REV1: variants seen among roughly 807,000 people sequenced by gnomAD.
REV1 encodes REV1 DNA directed polymerase.
A neutral mutation model predicts 137.4 loss-of-function variants in REV1; 42 were observed. That is an observed-to-expected ratio of 0.31 (90% confidence interval 0.24 to 0.40). The LOEUF (loss-of-function observed/expected upper bound fraction) is 0.40. Ranked by LOEUF, REV1 falls within the 10% of genes least tolerant of loss-of-function variation. The pLI is 1.00. For missense variants in REV1, 1,282 were observed against 1,490.1 expected, an observed-to-expected ratio of 0.86 and a Z score of 2.30; for synonymous variants, 524 against 519.2, an observed-to-expected ratio of 1.01 and a Z score of -0.12.
chr2:99,471,116 C>T (rs1685360403), intron 1 of REV1, among the ~76,000 whole-genome samples: 1 of 145,712 alleles, frequency 6.9e-6, no homozygotes, highest in Non-Finnish European at 1.5e-5. Context: ...CCTGTGGCCA[C>T]CCCTTATCTA....
chr2:99,466,003 G>A (rs902665600), intron 1 of REV1, among the ~76,000 whole-genome samples: 9 of 151,396 alleles, frequency 5.9e-5, no homozygotes, highest in African/African-American at 1.5e-4. Context: ...GTGCAGTGGC[G>A]CAATCTCGGC....
intron 12 of REV1, 46 bp from the exon 13 acceptor site, chr2:99,412,997 A>G (rs1390325484): frequency 7.3e-7 from 1 of 1,363,214 alleles, no homozygotes; most frequent in Admixed American, 1.7e-5. Context: ...GCTACTAATA[A>G]CAAGTTTATT....
intron 12 of REV1, among the ~76,000 whole-genome samples, chr2:99,416,861 C>T (rs1358019895): frequency 3.7e-5 from 5 of 136,028 alleles, no homozygotes; most frequent in South Asian, 2.4e-4. Flanking sequence ...TGCAGTGAGC[C>T]GAGATCGCAC....
At position 99,480,859 on chromosome 2, in the gene REV1, T is replaced by A. The variant is rs572265975; in HGVS notation, c.-11+8958A>T. Reference sequence around the variant, plus strand: ...GAATATATTTAAAATTATATACTTTTAAAAAAACAAAAACATTACAACATG... The same window carrying A: ...GAATATATTTAAAATTATATACTTTAAAAAAAACAAAAACATTACAACATG... On this transcript the variant is annotated intron_variant, in intron 1 of 22. Coordinates refer to ENST00000258428, the MANE Select transcript of REV1 (RefSeq NM_016316.4). Among the ~76,000 whole-genome samples the A allele has an allele frequency of 2.0e-3, 312 of 152,272 alleles. 2 individuals are homozygous for A. The highest frequency in any genetic ancestry group is 7.3e-3 in the African/African-American group (304 of 41,562).
chr2:99,483,733 T>C (rs1271860863), intron 1 of REV1, among the ~76,000 whole-genome samples: 1 of 152,188 alleles, frequency 6.6e-6, no homozygotes, highest in Non-Finnish European at 1.5e-5. Context: ...TATGAGATAC[T>C]AAGTGTTGCT....
chr2:99,464,863 G>C, intron 2 of REV1, 59 bp downstream of exon 2: 1 of 1,497,392 alleles, frequency 6.7e-7, no homozygotes, highest in Non-Finnish European at 9.3e-7. Flanking sequence ...CATTATAACA[G>C]AAGAATGAAA....
intron 1 of REV1, among the ~76,000 whole-genome samples, chr2:99,480,606 G>A (rs1026464735): frequency 6.6e-6 from 1 of 152,096 alleles, no homozygotes; most frequent in African/African-American, 2.4e-5. Context: ...TTAGATCTCT[G>A]AACTCACAAG....
At chr2:99,467,811 C>T (rs1409462824) in intron 1 of REV1, among the ~76,000 whole-genome samples, 4 of 152,106 alleles carry the variant, frequency 2.6e-5, no homozygotes, top group Non-Finnish European at 4.4e-5. Flanking sequence ...TTTGGGAGGC[C>T]GAGGTGGGTG....
In REV1 at chr2:99,406,064, C is replaced by G; in HGVS notation, c.2657G>C (p.Arg886Thr). The G allele has an allele frequency of 6.2e-7, 1 of 1,613,662 alleles. No homozygotes were observed. Among genetic ancestry groups the G allele is most frequent in the Non-Finnish European group, 8.5e-7 (1 of 1,179,898 alleles). The change falls in exon 17 of 23, where the codon AGA becomes ACA. Residue 886 changes from arginine (R) to threonine (T), a missense_variant. This residue lies in a region of REV1 where 372 missense variants were observed against 482.3 expected (regional missense o/e 0.77). Transcript: ENST00000258428. Reference sequence around the variant, plus strand: ...AAAAGGTGGCAAGAAAGTGCAAGTTCTAGAAGCAGATGATATTTCCAGATC... The same window carrying G: ...AAAAGGTGGCAAGAAAGTGCAAGTTGTAGAAGCAGATGATATTTCCAGATC... ...AVDLEISSAS[R>T]TCTFLPPFPA...
Position 99,449,058 on chromosome 2 carries a change from G to T in REV1, c.350+278C>A, listed in dbSNP as rs563037788. Among the ~76,000 whole-genome samples, 22 of 152,282 alleles carry T rather than the reference G, an allele frequency of 1.4e-4. 1 individual carries two copies. In the South Asian group the frequency reaches 3.7e-3, roughly 26 times the overall value. ...GCACTTTGGGAGGCCAAGGCTGGAG[G>T]ACTGTTTGAGTTTGAGACCAGTCTC... On this transcript the variant is annotated intron_variant, in intron 4 of 22. Coordinates refer to ENST00000258428, the MANE Select transcript of REV1 (RefSeq NM_016316.4).
rs747974845 is a variant in REV1 at position 99,401,358 on chromosome 2, G to C, written c.3645-6C>G. ...CCACCGATTGCTGCATCAGCCTAAAGGTGGGGAGAGAAGAAATGTCATTAG... is the reference window on the plus strand; with the variant it reads ...CCACCGATTGCTGCATCAGCCTAAACGTGGGGAGAGAAGAAATGTCATTAG... On this transcript the variant is annotated splice_region_variant and splice_polypyrimidine_tract_variant and intron_variant, in intron 22 of 22. Transcript: ENST00000258428. 16 of 1,591,206 alleles carry C rather than the reference G, an allele frequency of 1.0e-5. No homozygotes were observed. The highest frequency in any genetic ancestry group is 1.3e-5 in the African/African-American group (1 of 74,374).
intron 3 of REV1, among the ~76,000 whole-genome samples, chr2:99,458,075 T>A (rs1391801388): frequency 6.6e-6 from 1 of 152,032 alleles, no homozygotes; most frequent in Non-Finnish European, 1.5e-5. Context: ...GCAAGCACAA[T>A]CCATAAAAGG....
chr2:99,409,863 C>T lies in REV1; in HGVS notation c.2345+832G>A, dbSNP rs941007929. On this transcript the variant is annotated intron_variant, in intron 14 of 22. Transcript: ENST00000258428. ...GTCTCAAAACAAACAACCCCCCCCCCCCCCAAAAAAAACAGCGTTTTTAAA... is the reference window on the plus strand; with the variant it reads ...GTCTCAAAACAAACAACCCCCCCCCTCCCCAAAAAAAACAGCGTTTTTAAA... Among the ~76,000 whole-genome samples, 2 of 133,224 alleles carry T rather than the reference C, an allele frequency of 1.5e-5. 1 individual carries two copies. Among genetic ancestry groups the T allele is most frequent in the Non-Finnish European group, 3.4e-5 (2 of 58,582 alleles). The allele number at this position is 133,224 out of a possible 152,430, so 87.4% of individuals were successfully genotyped here. A position where few individuals can be genotyped will look rare whatever the true frequency, so the allele number is the denominator to read the frequency against.
intron 3 of REV1, among the ~76,000 whole-genome samples, chr2:99,450,322 G>A (rs1233681975): frequency 6.6e-6 from 1 of 152,028 alleles, no homozygotes; most frequent in Non-Finnish European, 1.5e-5. Context: ...TCATATTATG[G>A]CCTGCATTAC....
At chr2:99,449,685 T>A (rs1210213854) in intron 3 of REV1, among the ~76,000 whole-genome samples, 181 bp from the exon 4 acceptor site, 1 of 152,028 alleles carries the variant, frequency 6.6e-6, no homozygotes, top group African/African-American at 2.4e-5. Flanking sequence ...TTGCTTTTAG[T>A]ACATCCCCCT....
intron 2 of REV1, among the ~76,000 whole-genome samples, chr2:99,463,029 A>C (rs1231161831): frequency 6.6e-6 from 1 of 151,990 alleles, no homozygotes; most frequent in Non-Finnish European, 1.5e-5. Context: ...TGGAGGTTGC[A>C]GTGAGGTGAG....
In REV1 at chr2:99,401,195, C is replaced by CACTT. The variant is rs767683665; in HGVS notation, c.*42_*45dup. ...ATGCACTTTGCAAATACCTCACAAG[C>CACTT]ACTTATGGCACAGCTATCAGAGAGC... is the stretch of plus-strand genomic sequence containing the variant. On this transcript the variant is annotated 3_prime_UTR_variant, in exon 23 of 23. Transcript: ENST00000258428. The CACTT allele has an allele frequency of 1.0e-5, 12 of 1,174,036 alleles. No individual in the cohort carries two copies. The highest frequency in any genetic ancestry group is 6.8e-5 in the Admixed American group (4 of 58,396). 72.7% of individuals were successfully genotyped at this position (1,174,036 alleles called of 1,614,324 possible).
chr2:99,429,322 A>G (rs546939879), intron 9 of REV1, among the ~76,000 whole-genome samples: 3 of 152,208 alleles, frequency 2.0e-5, no homozygotes, highest in Non-Finnish European at 2.9e-5. Context: ...AGACCTATAC[A>G]AAAAGTTGGT....
rs1450303554 is a variant in REV1, at chr2:99,438,639, AT to A, written c.1174del (p.Met392Ter). 3 of 1,613,096 alleles carry A rather than the reference AT, an allele frequency of 1.9e-6. No homozygotes were observed. The highest frequency in any genetic ancestry group is 1.3e-5 in the African/African-American group (1 of 74,938). On this transcript the variant is annotated frameshift_variant, in exon 6 of 23. Transcript: ENST00000258428. LOFTEE classifies it high-confidence loss of function. ...AACAAGTGCAGACCTGCCTGTTTTCATTTTTTTTAACTTTTCCCTTCCTGGA... is the reference window on the plus strand; with the variant it reads ...AACAAGTGCAGACCTGCCTGTTTTCATTTTTTTAACTTTTCCCTTCCTGGA... ...IFPGREKLKK[M>X]KTGRSALVVT...
Sources: allele counts gnomAD v4.1 joint callset (sites outside exome capture counted in the v4.1 genomes callset), GRCh38; gene constraint gnomAD v4.1.1; regional missense constraint gnomAD v4.1.1; transcripts MANE v1.5; gene names NCBI Gene and HGNC (gene_info 2026-07-23, HGNC 2026-07-21).